The following AKT2 variants were observed in gnomAD, a reference collection of about 807,000 sequenced individuals.
The protein encoded by AKT2 is RAC-beta serine/threonine-protein kinase.
Under a neutral mutation model 58.6 loss-of-function variants are expected in AKT2, and 16 were observed. The observed-to-expected ratio is 0.27, with a 90% CI of 0.18 to 0.41. The LOEUF (loss-of-function observed/expected upper bound fraction) is 0.41, where lower values mean the gene tolerates loss of function less well. AKT2 is among the 10% of genes least tolerant of loss of function. AKT2 has a pLI of 1.00. For synonymous variants in AKT2, 253 were observed against 254.0 expected (o/e 1.00, Z 0.04); for missense variants, 438 against 661.0 (o/e 0.66, Z 3.70).
chr19:40,248,969 G>A (rs1974944087), intron 4 of AKT2, among the ~76,000 whole-genome samples: 1 of 93,210 alleles, frequency 1.1e-5, no homozygotes, highest in Non-Finnish European at 2.2e-5. Flanking sequence ...AGGGAGGAGT[G>A]GAGGAGATGA....
At chr19:40,261,271 G>A (rs1441187253) in intron 2 of AKT2, among the ~76,000 whole-genome samples, 8 of 152,176 alleles carry the variant, frequency 5.3e-5, no homozygotes, top group Non-Finnish European at 1.2e-4. Flanking sequence ...AATGGCTCAC[G>A]CCTGTAATCC....
chr19:40,284,756 A>C, intron 1 of AKT2: 1 of 155,196 alleles, frequency 6.4e-6, no homozygotes, highest in Non-Finnish European at 1.4e-5. Flanking sequence ...CCTCCCCAGA[A>C]GCCCCCACCC....
chr19:40,236,456 G>A (rs966374110), intron 9 of AKT2, 71 bp from the exon 10 acceptor site: 1 of 1,604,834 alleles, frequency 6.2e-7, no homozygotes. Context: ...TTTCCTTCCA[G>A]GGAAAGATGC....
intron 1 of AKT2, among the ~76,000 whole-genome samples, chr19:40,280,259 G>A (rs1169013946): frequency 6.6e-6 from 1 of 152,200 alleles, no homozygotes; most frequent in Non-Finnish European, 1.5e-5. Context: ...CGGCTGGTTG[G>A]GTTGGGGAGG....
chr19:40,263,255 G>A (rs771736474), intron 2 of AKT2, among the ~76,000 whole-genome samples: 1 of 152,180 alleles, frequency 6.6e-6, no homozygotes, highest in East Asian at 1.9e-4. Context: ...TGCAGGCCAC[G>A]GGACAGGAGC....
chr19:40,253,691 C>T (rs1273629822), intron 4 of AKT2, among the ~76,000 whole-genome samples: 1 of 152,172 alleles, frequency 6.6e-6, no homozygotes, highest in African/African-American at 2.4e-5. Context: ...GGCAATCCTG[C>T]ATCTAAGCAC....
chr19:40,271,212 C>CATAT (rs57995088), intron 1 of AKT2, among the ~76,000 whole-genome samples: 14,734 of 139,836 alleles, frequency 0.11, 1,082 homozygotes, highest in African/African-American at 0.21. Flanking sequence ...TACATACATA[C>CATAT]ATATATATAT....
At chr19:40,263,055 A>G (rs11670912) in intron 2 of AKT2, among the ~76,000 whole-genome samples, 18,275 of 152,254 alleles carry the variant, frequency 0.12, 1,589 homozygotes, top group African/African-American at 0.24. Context: ...CAGATGACAG[A>G]GGCAGGCCTG....
intron 6 of AKT2, 165 bp from the exon 7 acceptor site, chr19:40,240,275 C>G (rs1221153781): frequency 2.4e-6 from 2 of 816,948 alleles, no homozygotes; most frequent in South Asian, 1.3e-5. Context: ...CAGCAAATAG[C>G]AGACCCAGAC....
intron 2 of AKT2, among the ~76,000 whole-genome samples, chr19:40,265,006 A>C (rs1976241201): frequency 6.6e-6 from 1 of 152,208 alleles, no homozygotes; most frequent in Non-Finnish European, 1.5e-5. Context: ...GGGGCTATGA[A>C]TGAGATCACT....
At chr19:40,247,769 G>A (rs1474927036) in intron 4 of AKT2, among the ~76,000 whole-genome samples, 2 of 152,190 alleles carry the variant, frequency 1.3e-5, no homozygotes, top group Non-Finnish European at 2.9e-5. Context: ...GCAACCCTGT[G>A]TAGTAGGTAC....
rs79707552 is a variant in AKT2 at position 40,275,093 on chromosome 19, G to C, written c.-84-9742C>G. ...TGAAAACCGAGGATGGGAGAGATTCGGTGAATACCCACAGCGAGAGACAGC... is the reference window on the plus strand; with the variant it reads ...TGAAAACCGAGGATGGGAGAGATTCCGTGAATACCCACAGCGAGAGACAGC... On this transcript the variant is annotated intron_variant, in intron 1 of 13. Coordinates refer to ENST00000392038, the MANE Select transcript of AKT2 (RefSeq NM_001626.6). 1.4e-3 allele frequency: 660 copies of C among 456,754 alleles called. 6 individuals are homozygous for C. In the East Asian group the frequency reaches 0.028, roughly 19 times the overall value. The allele number at this position is 456,754 out of a possible 1,614,324, so 28.3% of individuals were successfully genotyped here. A position where few individuals can be genotyped will look rare whatever the true frequency, so the allele number is the denominator to read the frequency against.
At chr19:40,255,092 G>A (rs998872367) in intron 4 of AKT2, 66 bp downstream of exon 4, 1 of 1,294,210 alleles carries the variant, frequency 7.7e-7, no homozygotes, top group African/African-American at 1.5e-5. Flanking sequence ...CTCTCCAGCT[G>A]TACCTTTTCT....
In AKT2 at chr19:40,233,696, G is replaced by A. The variant is rs1973833877; in HGVS notation, c.*176C>T. 3 of 767,782 alleles carry A rather than the reference G, an allele frequency of 3.9e-6. No homozygotes were observed. Among genetic ancestry groups the A allele is most frequent in the Non-Finnish European group, 7.0e-6 (3 of 427,424 alleles). The allele number at this position is 767,782 out of a possible 1,614,324, so 47.6% of individuals were successfully genotyped here. ...ACAAAGGTGAGGCTGGAGGCTGGAG[G>A]CAGGGGCTGCAGGGGCCGCTGGGGT... On this transcript the variant is annotated 3_prime_UTR_variant, in exon 14 of 14. Coordinates refer to ENST00000392038, the MANE Select transcript of AKT2 (RefSeq NM_001626.6). The surrounding 1 kb of genome is among the most constrained non-coding windows in gnomAD (Gnocchi z 4.3).
chr19:40,276,845 C>T (rs1033508791), intron 1 of AKT2, among the ~76,000 whole-genome samples: 2 of 152,092 alleles, frequency 1.3e-5, no homozygotes, highest in Non-Finnish European at 2.9e-5. Flanking sequence ...GGGAGACTCC[C>T]ATCTCTACTG....
At position 40,233,756 on chromosome 19, in the gene AKT2, G is replaced by C. The variant is rs941861677; in HGVS notation, c.*116C>G. ...AGGGGCCTGAAGAAGAACTGGAAAG[G>C]GGGTGAGGAGGTGGGGGTGGGGACA... On this transcript the variant is annotated 3_prime_UTR_variant, in exon 14 of 14. Coordinates refer to ENST00000392038, the MANE Select transcript of AKT2 (RefSeq NM_001626.6). The surrounding 1 kb of genome is among the most constrained non-coding windows in gnomAD (Gnocchi z 4.3). 4.8e-5 allele frequency: 48 copies of C among 1,002,690 alleles called. No individual in the cohort carries two copies. In the African/African-American group the frequency reaches 6.0e-4, roughly 13 times the overall value. 62.1% of individuals were successfully genotyped at this position (1,002,690 alleles called of 1,614,324 possible).
At chr19:40,236,127 G>C (rs753199130) in intron 10 of AKT2, 23 bp from the exon 11 acceptor site, 23 of 1,613,714 alleles carry the variant, frequency 1.4e-5, no homozygotes, top group Non-Finnish European at 1.9e-5. Flanking sequence ...GAGAAATGAG[G>C]GCTGGGCCCG....
At position 40,247,149 on chromosome 19, in the gene AKT2, T is replaced by C. The variant is rs35974502; in HGVS notation, c.288-4462A>G. The stretch of plus-strand genomic sequence containing the variant: ...AGGTTGCAGCACTCAGAATTCCAGA[T>C]GAAAAGCAAGGGCCTCTGTCCAGGA... On this transcript the variant is annotated intron_variant, in intron 4 of 13. Transcript: ENST00000392038. Among the ~76,000 whole-genome samples the C allele has an allele frequency of 5.0e-3, 765 of 152,286 alleles. 1 individual carries two copies. The highest frequency in any genetic ancestry group is 8.7e-3 in the African/African-American group (360 of 41,568).
chr19:40,267,838 G>A (rs905636561), intron 1 of AKT2, among the ~76,000 whole-genome samples: 2 of 152,172 alleles, frequency 1.3e-5, no homozygotes, highest in Admixed American at 1.3e-4. Context: ...AAAAATACAC[G>A]AATATGCAAA....
Sources: gnomAD v4.1 joint callset for allele counts (sites outside exome capture counted in the v4.1 genomes callset) on GRCh38, gnomAD v4.1.1 for gene constraint, Gnocchi (gnomAD v3.1) non-coding constraint, MANE v1.5 for transcripts, NCBI Gene and HGNC (gene_info 2026-07-23, HGNC 2026-07-21) for gene names.